The following CELF1 variants were observed in gnomAD, a reference collection of about 807,000 sequenced individuals.
CELF1 encodes the protein 50 kDa nuclear polyadenylated RNA-binding protein.
CELF1 carries 10 observed loss-of-function variants against 61.8 expected under a neutral mutation model. The ratio of observed to expected loss-of-function variants is 0.16; its 90% CI spans 0.10 to 0.27. The LOEUF (loss-of-function observed/expected upper bound fraction) is 0.27. Ranked by LOEUF, CELF1 falls within the 10% of genes least tolerant of loss-of-function variation. CELF1 has a pLI of 1.00. For synonymous variants in CELF1, 236 were observed against 225.1 expected, an observed-to-expected ratio of 1.05 and a Z score of -0.43; for missense variants, 380 against 639.1, an observed-to-expected ratio of 0.59 and a Z score of 4.37.
intron 1 of CELF1, among the ~76,000 whole-genome samples, chr11:47,536,040 G>A (rs1188604691): frequency 1.3e-5 from 2 of 152,130 alleles, no homozygotes; most frequent in Non-Finnish European, 2.9e-5. Flanking sequence ...GGGATTATAG[G>A]CATGAGCCAC....
chr11:47,477,279 G>T lies in CELF1; in HGVS notation c.973+18C>A. ...GTCCAAGGCACATAATGGCACACTG[G>T]GTCATCCTCATGCTTACCTGAACTA... On this transcript the variant is annotated intron_variant, in intron 11 of 14. Transcript: ENST00000687097. 6.2e-7 allele frequency: 1 copy of T among 1,613,744 alleles called. No homozygotes were observed. The highest frequency in any genetic ancestry group is 1.1e-5 in the South Asian group (1 of 91,064).
intron 1 of CELF1, chr11:47,565,199 G>T (rs1023565228): frequency 6.5e-6 from 1 of 152,974 alleles, no homozygotes; most frequent in Admixed American, 6.5e-5. Context: ...CTGGTCGAGG[G>T]TTGGGGGGAG....
chr11:47,484,524 C>T lies in CELF1; in HGVS notation c.392-1G>A. The T allele has an allele frequency of 6.2e-7, 1 of 1,604,502 alleles. No individual in the cohort carries two copies. The highest frequency in any genetic ancestry group is 1.1e-5 in the South Asian group (1 of 89,686). On this transcript the variant is annotated splice_acceptor_variant, in intron 6 of 14. Transcript: ENST00000687097. LOFTEE classifies it high-confidence loss of function. The stretch of plus-strand genomic sequence containing the variant: ...ATAAACAGCTTCCTGTCTTCCACTG[C>T]TAAGAGAGTAAAACAGAAAAGACTT...
At chr11:47,541,323 G>T (rs565632720) in intron 1 of CELF1, among the ~76,000 whole-genome samples, 72 of 152,196 alleles carry the variant, frequency 4.7e-4, no homozygotes, top group South Asian at 2.5e-3. Context: ...AAAGGTAAAA[G>T]AACAAGGAGA....
chr11:47,487,342 G>T, intron 4 of CELF1, 101 bp from the exon 5 acceptor site: 1 of 843,636 alleles, frequency 1.2e-6, no homozygotes, highest in Non-Finnish European at 1.9e-6. Flanking sequence ...AGAGGGCTGG[G>T]TTTATTAAAA....
rs112777088 is a variant in CELF1 at position 47,505,643 on chromosome 11, C to CA, written c.-153-4712dup. 1.2e-3 allele frequency among the ~76,000 whole-genome samples: 153 copies of CA among 123,534 alleles called. 1 individual carries two copies. The highest frequency in any genetic ancestry group is 4.9e-3 in the East Asian group (22 of 4,466). 81.0% of individuals were successfully genotyped at this position (123,534 alleles called of 152,430 possible). A position where few individuals can be genotyped will look rare whatever the true frequency, so the allele number is the denominator to read the frequency against. ...GGCTGACAGAGTGAGACTCTGTCTC[C>CA]AAAAAAAAAAAAAAATCAGTATGTT... On this transcript the variant is annotated intron_variant, in intron 1 of 14. Coordinates refer to ENST00000687097, the MANE Select transcript of CELF1 (RefSeq NM_001376376.1).
chr11:47,532,450 C>G (rs2096508110), intron 1 of CELF1, among the ~76,000 whole-genome samples: 1 of 152,222 alleles, frequency 6.6e-6, no homozygotes, highest in African/African-American at 2.4e-5. Flanking sequence ...GTCACCTCCA[C>G]CTGAGGAAAG....
At chr11:47,490,615 G>A (rs2090955497) in intron 3 of CELF1, among the ~76,000 whole-genome samples, 1 of 151,804 alleles carries the variant, frequency 6.6e-6, no homozygotes, top group African/African-American at 2.4e-5. Flanking sequence ...TAGTAGAGAT[G>A]GGGTTTCACC....
chr11:47,526,647 C>T (rs941804168), intron 1 of CELF1, among the ~76,000 whole-genome samples: 1 of 152,102 alleles, frequency 6.6e-6, no homozygotes, highest in African/African-American at 2.4e-5. Context: ...AAATTTTAAA[C>T]CACTATTAAG....
rs1222278365 is a variant in CELF1 at position 47,476,857 on chromosome 11, C to T, written c.1076G>A (p.Gly359Asp). 1 of 1,613,874 alleles carries T rather than the reference C, an allele frequency of 6.2e-7. No individual in the cohort carries two copies. The highest frequency in any genetic ancestry group is 8.5e-7 in the Non-Finnish European group (1 of 1,179,858). The change falls in exon 12 of 15, where the codon GGC becomes GAC. Residue 359 changes from glycine to aspartate, a missense_variant. Coordinates refer to ENST00000687097, the MANE Select transcript of CELF1 (RefSeq NM_001376376.1). ...LAGATAGLNV[G>D]SLAGMAALNG... Reference sequence around the variant, plus strand: ...GTGCTGCCCCTTACCTGCCAAAGAGCCAACATTGAGGCCAGCCGTTGCTCC... The same window carrying T: ...GTGCTGCCCCTTACCTGCCAAAGAGTCAACATTGAGGCCAGCCGTTGCTCC...
At chr11:47,492,788 C>T (rs914198035) in intron 3 of CELF1, among the ~76,000 whole-genome samples, 46 of 152,132 alleles carry the variant, frequency 3.0e-4, no homozygotes, top group African/African-American at 1.1e-3. Flanking sequence ...CAACCTGTCC[C>T]GACAACTTTA....
At chr11:47,481,454 T>C (rs972044359) in intron 9 of CELF1, among the ~76,000 whole-genome samples, 8 of 152,090 alleles carry the variant, frequency 5.3e-5, no homozygotes, top group African/African-American at 1.9e-4. Flanking sequence ...TTATAAGATA[T>C]TAGAAATATG....
At position 47,475,438 on chromosome 11, in the gene CELF1, A is replaced by G; in HGVS notation, c.1171T>C (p.Tyr391His). 6.2e-7 allele frequency: 1 copy of G among 1,614,124 alleles called. No homozygotes were observed. Among genetic ancestry groups the G allele is most frequent in the Non-Finnish European group, 8.5e-7 (1 of 1,180,046 alleles). Reference protein sequence around the residue: ...GSTMEALTQAYSGIQQYAAAA... With the variant: ...GSTMEALTQAHSGIQQYAAAA... Reference sequence around the variant, plus strand: ...GCAGCATATTGCTGGATACCCGAGTAGGCCTGAGTGAGGGCCTCCATGGTG... The same window carrying G: ...GCAGCATATTGCTGGATACCCGAGTGGGCCTGAGTGAGGGCCTCCATGGTG... Residue 391 changes from tyrosine (Y) to histidine (H), a missense_variant, in exon 13 of 15, where the codon TAC becomes CAC. By Grantham distance (83) the Tyr-to-His change is moderately conservative (BLOSUM62 2). Coordinates refer to ENST00000687097, the MANE Select transcript of CELF1 (RefSeq NM_001376376.1).
intron 3 of CELF1, among the ~76,000 whole-genome samples, chr11:47,497,936 GA>G (rs2093406466): frequency 6.6e-6 from 1 of 152,152 alleles, no homozygotes. Context: ...GTATTACAAT[GA>G]AAGACAATTT....
chr11:47,493,503 A>G, intron 3 of CELF1, among the ~76,000 whole-genome samples: 1 of 130,166 alleles, frequency 7.7e-6, no homozygotes, highest in African/African-American at 3.1e-5. Flanking sequence ...GCAAGACTCC[A>G]TCTCAAAAAG....
chr11:47,561,442 C>CAAAA (rs35506289), intron 2 of CELF1, among the ~76,000 whole-genome samples: 11 of 72,810 alleles, frequency 1.5e-4, no homozygotes, highest in Admixed American at 3.9e-4. Context: ...GACTCCGTCT[C>CAAAA]AAAAAAAAAA....
chr11:47,553,820 T>TA (rs2097192599), upstream of CELF1, among the ~76,000 whole-genome samples: 1 of 148,564 alleles, frequency 6.7e-6, no homozygotes, highest in African/African-American at 2.4e-5. Flanking sequence ...ATATATATAT[T>TA]TTTTTTTCTT....
At chr11:47,563,653 C>T (rs989710733) in intron 2 of CELF1, among the ~76,000 whole-genome samples, 2 of 152,126 alleles carry the variant, frequency 1.3e-5, no homozygotes, top group African/African-American at 4.8e-5. Context: ...GGCGCCACTA[C>T]ACTTCAGCCT....
chr11:47,558,013 G>A (rs1268843299), upstream of CELF1, among the ~76,000 whole-genome samples: 1 of 151,910 alleles, frequency 6.6e-6, no homozygotes, highest in Non-Finnish European at 1.5e-5. Flanking sequence ...CTGCCAGCAT[G>A]CCCAACTAAT....
Sources: gnomAD v4.1 joint callset for allele counts (sites outside exome capture counted in the v4.1 genomes callset) on GRCh38, gnomAD v4.1.1 for gene constraint, MANE v1.5 for transcripts, NCBI Gene and HGNC (gene_info 2026-07-23, HGNC 2026-07-21) for gene names.